LDAH: variants seen among roughly 807,000 people sequenced by gnomAD.
The protein encoded by LDAH is lipid droplet-associated hydrolase.
In LDAH, 26 loss-of-function variants were observed where a neutral mutation model predicts 29.6. The ratio of observed to expected loss-of-function variants is 0.88; its 90% CI spans 0.64 to 1.22. LDAH has a LOEUF of 1.22. Ranked by LOEUF, LDAH falls within the 50% of genes most tolerant of loss-of-function variation. The pLI is 0.00. For synonymous variants in LDAH, 117 were observed against 133.0 expected (o/e 0.88, Z 0.83); for missense variants, 344 against 387.3 (o/e 0.89, Z 0.94).
intron 5 of LDAH, among the ~76,000 whole-genome samples, chr2:20,726,745 C>T (rs924687761): frequency 6.6e-6 from 1 of 152,184 alleles, no homozygotes; most frequent in Admixed American, 6.5e-5. Context: ...TAAGCCAGGA[C>T]TGTGGTCATT....
chr2:20,789,433 T>C, intron 3 of LDAH: 1 of 1,443,858 alleles, frequency 6.9e-7, no homozygotes. Flanking sequence ...GAGAAATCAA[T>C]TTCCATTTTT....
At chr2:20,789,305 C>A in intron 3 of LDAH, 1 of 1,547,230 alleles carries the variant, frequency 6.5e-7, no homozygotes, top group South Asian at 1.2e-5. Flanking sequence ...GGGCTTGCCT[C>A]CTGTGTCCAC....
Position 20,774,828 on chromosome 2 carries a change from C to T in LDAH, c.450G>A (p.Lys150=), listed in dbSNP as rs1455015468. The change falls in exon 4 of 7, where the codon AAG becomes AAA. Residue 150 remains lysine, a synonymous_variant. Transcript: ENST00000237822. ...TACTTACCGGGAGCTCAGGGACTCG[C>T]TTCAGCATCTGAAGTGTGAAATAGC... The part of the protein sequence containing the change: ...IGSYFTLQML[K]RVPELPVIRA... 7 of 1,613,068 alleles carry T rather than the reference C, an allele frequency of 4.3e-6. No homozygotes were observed. The highest frequency in any genetic ancestry group is 5.9e-6 in the Non-Finnish European group (7 of 1,179,946).
In LDAH at chr2:20,685,421, T is replaced by C; in HGVS notation, c.*1482A>G. 1 of 1,222,502 alleles carries C rather than the reference T, an allele frequency of 8.2e-7. No homozygotes were observed. Among genetic ancestry groups the C allele is most frequent in the Non-Finnish European group, 1.1e-6 (1 of 894,260 alleles). The allele number at this position is 1,222,502 out of a possible 1,614,324, so 75.7% of individuals were successfully genotyped here. A position where few individuals can be genotyped will look rare whatever the true frequency, so the allele number is the denominator to read the frequency against. ...TACAGCCCTGTGCTTACGGCCTATG[T>C]ATCTATTAGCTCTTCCCCTTGGGCT... On this transcript the variant is annotated 3_prime_UTR_variant, in exon 7 of 7. Coordinates refer to ENST00000237822, the MANE Select transcript of LDAH (RefSeq NM_021925.4).
intron 6 of LDAH, among the ~76,000 whole-genome samples, chr2:20,692,961 A>G (rs915395727): frequency 1.1e-4 from 16 of 152,224 alleles, no homozygotes; most frequent in African/African-American, 3.6e-4. Flanking sequence ...CAAGCTCCTT[A>G]TGCAGCCAAG....
intron 5 of LDAH, among the ~76,000 whole-genome samples, chr2:20,708,890 T>G (rs1664500189): frequency 6.6e-6 from 1 of 152,068 alleles, no homozygotes; most frequent in Non-Finnish European, 1.5e-5. Flanking sequence ...AAAAAGACAA[T>G]CTAAAGAATG....
Position 20,687,045 on chromosome 2 carries a change from T to A in LDAH, c.836A>T (p.Tyr279Phe). 6 of 1,614,116 alleles carry A rather than the reference T, an allele frequency of 3.7e-6. No individual in the cohort carries two copies. The highest frequency in any genetic ancestry group is 5.1e-6 in the Non-Finnish European group (6 of 1,179,974). ...TIDPWCPKEY[Y>F]EDIKKDFPEG... ...TGGAAAATCCTTCTTAATGTCTTCA[T>A]AGTACTCTTTTGGACACCAAGGATC... The change falls in exon 7 of 7, where the codon TAT becomes TTT. Residue 279 changes from tyrosine to phenylalanine, a missense_variant. Coordinates refer to ENST00000237822, the MANE Select transcript of LDAH (RefSeq NM_021925.4).
In LDAH at chr2:20,773,740, G is replaced by A. The variant is rs568658278; in HGVS notation, c.468+1070C>T. ...TCCCAAGGGCAATTACGAATAAGAA[G>A]CAAGCAGGTGAAGCTGGCAAGAAAA... On this transcript the variant is annotated intron_variant, in intron 4 of 6. Transcript: ENST00000237822. Among the ~76,000 whole-genome samples the A allele has an allele frequency of 3.3e-5, 5 of 152,304 alleles. No individual in the cohort carries two copies. In the South Asian group the frequency reaches 1.0e-3, roughly 32 times the overall value.
intron 6 of LDAH, among the ~76,000 whole-genome samples, chr2:20,692,873 C>G (rs1193095274): frequency 6.6e-6 from 1 of 152,124 alleles, no homozygotes; most frequent in East Asian, 1.9e-4. Context: ...AGTGAAAGGG[C>G]TTCTCATAAT....
intron 4 of LDAH, among the ~76,000 whole-genome samples, chr2:20,758,719 C>T (rs1187706858): frequency 3.3e-5 from 5 of 152,014 alleles, no homozygotes; most frequent in African/African-American, 1.2e-4. Flanking sequence ...AGATGATTTT[C>T]CAGAAGAACA....
intron 4 of LDAH, among the ~76,000 whole-genome samples, chr2:20,773,323 A>AT (rs1480345178): frequency 6.6e-6 from 1 of 151,862 alleles, no homozygotes; most frequent in Non-Finnish European, 1.5e-5. Context: ...CTAAAAAAAA[A>AT]AAAGGACAAT....
At chr2:20,683,098 T>G (rs543448148), downstream of LDAH, among the ~76,000 whole-genome samples, 1 of 152,190 alleles carries the variant, frequency 6.6e-6, no homozygotes, top group Admixed American at 6.5e-5. Context: ...AGAGCTTTCT[T>G]TGACCCTCGT....
intron 5 of LDAH, among the ~76,000 whole-genome samples, chr2:20,735,497 G>A (rs1666711955): frequency 1.3e-5 from 2 of 150,968 alleles, no homozygotes; most frequent in South Asian, 4.2e-4. Flanking sequence ...CTTCTCATTA[G>A]TTTCAAACAT....
chr2:20,763,812 G>C (rs1010493181), intron 4 of LDAH, among the ~76,000 whole-genome samples: 1 of 152,212 alleles, frequency 6.6e-6, no homozygotes, highest in Non-Finnish European at 1.5e-5. Flanking sequence ...AAAGTGTTCA[G>C]AAATTCTCAG....
At chr2:20,722,210 C>G (rs1262264674) in intron 5 of LDAH, among the ~76,000 whole-genome samples, 2 of 151,860 alleles carry the variant, frequency 1.3e-5, no homozygotes, top group African/African-American at 4.8e-5. Context: ...ACCGTCTCTA[C>G]TAAAAATGCA....
At chr2:20,720,049 A>G (rs1665535385) in intron 5 of LDAH, among the ~76,000 whole-genome samples, 1 of 152,052 alleles carries the variant, frequency 6.6e-6, no homozygotes. Flanking sequence ...ACTAACATCT[A>G]ACAAGACAAG....
chr2:20,694,667 G>A (rs969404117), intron 6 of LDAH, among the ~76,000 whole-genome samples: 2 of 152,202 alleles, frequency 1.3e-5, no homozygotes, highest in African/African-American at 2.4e-5. Flanking sequence ...CTTCCCGCCC[G>A]TGAACCCTGC....
chr2:20,710,608 A>ATG (rs1664655001), intron 5 of LDAH, among the ~76,000 whole-genome samples: 1 of 79,614 alleles, frequency 1.3e-5, no homozygotes, highest in African/African-American at 4.1e-5. Context: ...GTGTGTGTGT[A>ATG]TATATATATA....
At chr2:20,790,541 T>C (rs1441630347) in intron 2 of LDAH, 143 bp from the exon 3 acceptor site, 7 of 674,334 alleles carry the variant, frequency 1.0e-5, no homozygotes, top group Non-Finnish European at 1.7e-5. Context: ...ATCTTCAAAC[T>C]TCCATTAAAA....
Sources: gnomAD v4.1 joint callset for allele counts (sites outside exome capture counted in the v4.1 genomes callset) on GRCh38, gnomAD v4.1.1 for gene constraint, MANE v1.5 for transcripts, NCBI Gene and HGNC (gene_info 2026-07-23, HGNC 2026-07-21) for gene names.